The following MCC variants were observed in gnomAD, a reference collection of about 807,000 sequenced individuals.
The protein encoded by MCC is MCC regulator of Wnt signaling pathway, also known as colorectal mutant cancer protein.
MCC carries 90 observed loss-of-function variants against 116.2 expected under a neutral mutation model. The ratio of observed to expected loss-of-function variants is 0.77; its 90% CI spans 0.65 to 0.92. The LOEUF (loss-of-function observed/expected upper bound fraction) is 0.92. Among genes scored for constraint, MCC ranks in the 40% least tolerant of loss-of-function variants. The pLI, the probability that MCC is intolerant of heterozygous loss-of-function variation, is 0.00. For missense variants in MCC, 1,516 were observed against 1,312.2 expected, an observed-to-expected ratio of 1.16 and a Z score of -2.40; for synonymous variants, 578 against 510.5, an observed-to-expected ratio of 1.13 and a Z score of -1.78.
At chr5:113,263,137 T>C (rs1183972293) in intron 3 of MCC, among the ~76,000 whole-genome samples, 1 of 152,200 alleles carries the variant, frequency 6.6e-6, no homozygotes, top group Admixed American at 6.5e-5. Context: ...AGACTGGCCC[T>C]AATAAGCAGG....
At chr5:113,188,076 AG>A (rs903304104) in intron 3 of MCC, among the ~76,000 whole-genome samples, 4 of 152,214 alleles carry the variant, frequency 2.6e-5, no homozygotes, top group African/African-American at 9.6e-5. Flanking sequence ...GTTTTTGAAA[AG>A]GGGATGTAAA....
At chr5:113,465,778 A>C (rs1771884974) in intron 1 of MCC, among the ~76,000 whole-genome samples, 2 of 152,206 alleles carry the variant, frequency 1.3e-5, no homozygotes, top group Non-Finnish European at 1.5e-5. Flanking sequence ...CTAGGATTCA[A>C]AGAATTGTAA....
At chr5:113,078,824 G>C (rs577174018) in intron 11 of MCC, among the ~76,000 whole-genome samples, 1 of 152,294 alleles carries the variant, frequency 6.6e-6, no homozygotes, top group South Asian at 2.1e-4. Flanking sequence ...TGAGGCAGGA[G>C]AAAGAAATAA....
chr5:113,073,249 G>A (rs952488844), intron 11 of MCC, among the ~76,000 whole-genome samples: 1 of 152,092 alleles, frequency 6.6e-6, no homozygotes, highest in Non-Finnish European at 1.5e-5. Flanking sequence ...TTATTCAAGT[G>A]CAACCCAGCT....
intron 1 of MCC, among the ~76,000 whole-genome samples, chr5:113,387,795 A>G (rs1042891165): frequency 6.6e-6 from 1 of 152,356 alleles, no homozygotes; most frequent in Non-Finnish European, 1.5e-5. Context: ...CATAGAAAGC[A>G]CTTAACATAG....
At chr5:113,087,196 A>T (rs1755255161) in intron 8 of MCC, among the ~76,000 whole-genome samples, 1 of 152,248 alleles carries the variant, frequency 6.6e-6, no homozygotes, top group Admixed American at 6.5e-5. Context: ...TAACTTGGGA[A>T]CCAAAAGTAA....
chr5:113,204,517 T>C, intron 3 of MCC: 1 of 152,234 alleles, frequency 6.6e-6, no homozygotes, highest in East Asian at 1.9e-4. Flanking sequence ...AAATACCTGA[T>C]GCTCATTTCA....
At chr5:113,066,129 T>G (rs1470141220) in intron 13 of MCC, among the ~76,000 whole-genome samples, 1 of 152,232 alleles carries the variant, frequency 6.6e-6, no homozygotes, top group Non-Finnish European at 1.5e-5. Flanking sequence ...ACAAAGCATT[T>G]CATTATTGAT....
At chr5:113,055,469 G>C (rs1752772736) in intron 14 of MCC, among the ~76,000 whole-genome samples, 1 of 152,224 alleles carries the variant, frequency 6.6e-6, no homozygotes, top group Non-Finnish European at 1.5e-5. Context: ...AAGCTGAAGA[G>C]AGATGGTGGC....
intron 3 of MCC, among the ~76,000 whole-genome samples, chr5:113,167,570 A>T (rs1581190333): frequency 6.6e-6 from 1 of 152,196 alleles, no homozygotes. Flanking sequence ...TAGACTTTTA[A>T]AACAATTTTT....
intron 3 of MCC, among the ~76,000 whole-genome samples, chr5:113,336,789 T>C (rs1250184062): frequency 3.3e-5 from 5 of 152,240 alleles, no homozygotes; most frequent in Non-Finnish European, 7.3e-5. Flanking sequence ...TGTACAACAC[T>C]GTCTTGTTGC....
chr5:113,352,563 C>G (rs1768299259), intron 2 of MCC, among the ~76,000 whole-genome samples: 1 of 152,060 alleles, frequency 6.6e-6, no homozygotes, highest in Non-Finnish European at 1.5e-5. Context: ...AGACAAAAAT[C>G]TTTGCTGTAA....
At position 113,336,144 on chromosome 5, in the gene MCC, T is replaced by C. The variant is rs557831872; in HGVS notation, c.627+4375A>G. On this transcript the variant is annotated intron_variant, in intron 3 of 18. Coordinates refer to ENST00000408903, the MANE Select transcript of MCC (RefSeq NM_001085377.2). ...AGAGAGAGAGAGGAACCTGTCCTTT[T>C]AAAATGGCACCAATCCCACCCATGA... Among the ~76,000 whole-genome samples the C allele has an allele frequency of 2.0e-5, 3 of 151,486 alleles. No individual in the cohort carries two copies. In the East Asian group the frequency reaches 5.8e-4, roughly 29 times the overall value.
chr5:113,036,094 G>A (rs1294657541), intron 17 of MCC, among the ~76,000 whole-genome samples: 1 of 129,020 alleles, frequency 7.8e-6, no homozygotes, highest in Non-Finnish European at 1.6e-5. Flanking sequence ...GAAGTGCAGT[G>A]GTGCGATCTT....
At chr5:113,107,438 G>A (rs1006411952) in intron 6 of MCC, among the ~76,000 whole-genome samples, 5 of 151,976 alleles carry the variant, frequency 3.3e-5, no homozygotes, top group Admixed American at 6.6e-5. Flanking sequence ...GGCTAGTCTC[G>A]AACTCCTGAC....
intron 2 of MCC, among the ~76,000 whole-genome samples, chr5:113,359,282 G>T (rs992984932): frequency 2.6e-5 from 4 of 152,140 alleles, no homozygotes; most frequent in Admixed American, 6.6e-5. Flanking sequence ...CTGTTGACAG[G>T]TGCTAAGAAA....
chr5:113,294,253 GAGGT>G, intron 3 of MCC: 1 of 1,595,400 alleles, frequency 6.3e-7, no homozygotes, highest in Non-Finnish European at 8.6e-7. Context: ...GGGCTGTGGG[GAGGT>G]CGAGGGGAGG....
intron 3 of MCC, among the ~76,000 whole-genome samples, chr5:113,191,711 G>T (rs1459560681): frequency 6.6e-6 from 1 of 152,194 alleles, no homozygotes; most frequent in African/African-American, 2.4e-5. Context: ...GGATGCAACA[G>T]TTTCTTTTTT....
At chr5:113,387,598 T>C (rs998636261) in intron 1 of MCC, among the ~76,000 whole-genome samples, 85 of 152,352 alleles carry the variant, frequency 5.6e-4, no homozygotes, top group African/African-American at 1.9e-3. Flanking sequence ...TAGAAGTTCA[T>C]GTAATGTTAA....
Sources: allele counts gnomAD v4.1 joint callset (sites outside exome capture counted in the v4.1 genomes callset), GRCh38; gene constraint gnomAD v4.1.1; transcripts MANE v1.5; gene names NCBI Gene and HGNC (gene_info 2026-07-23, HGNC 2026-07-21).